WAPL: variants seen among roughly 807,000 people sequenced by gnomAD.
The protein encoded by WAPL is wings apart-like protein homolog.
In WAPL, 5 loss-of-function variants were observed where a neutral mutation model predicts 121.0. The observed-to-expected ratio is 0.04, with a 90% CI of 0.02 to 0.09. WAPL has a LOEUF of 0.09. Ranked by LOEUF, WAPL falls within the 10% of genes least tolerant of loss-of-function variation. The probability of loss-of-function intolerance (pLI) is 1.00; values close to 1 mark genes in which losing one functional copy is unlikely to be tolerated. For synonymous variants in WAPL, 480 were observed against 481.5 expected (o/e 1.00, Z 0.04); for missense variants, 999 against 1,410.8 (o/e 0.71, Z 4.68).
chr10:86,460,599 A>C, intron 10 of WAPL, 103 bp from the exon 11 acceptor site: 1 of 823,280 alleles, frequency 1.2e-6, no homozygotes. Flanking sequence ...CGCTATGAAC[A>C]TGCTGGAACC....
At chr10:86,482,070 G>A (rs1841804163) in intron 4 of WAPL, among the ~76,000 whole-genome samples, 2 of 152,146 alleles carry the variant, frequency 1.3e-5, no homozygotes, top group Admixed American at 6.5e-5. Flanking sequence ...TGGGCAGGGT[G>A]GAGTAGGGCA....
chr10:86,511,340 G>C (rs912046571), intron 2 of WAPL, among the ~76,000 whole-genome samples: 1 of 152,158 alleles, frequency 6.6e-6, no homozygotes, highest in Non-Finnish European at 1.5e-5. Flanking sequence ...ACAGAGACAA[G>C]AGGGAATCCA....
Position 86,453,695 on chromosome 10 carries a change from C to T in WAPL, c.2794G>A (p.Ala932Thr). ...AAATTAAGCAACACCCCGATGATGGCCCTCATGCAGTCCTCCACTGCTTTG... is the reference window on the plus strand; with the variant it reads ...AAATTAAGCAACACCCCGATGATGGTCCTCATGCAGTCCTCCACTGCTTTG... Reference protein sequence around the residue: ...VGKAVEDCMRAIIGVLLNLTN... With the variant: ...VGKAVEDCMRTIIGVLLNLTN... The change falls in exon 13 of 19, where the codon GCC (alanine) becomes ACC (threonine). Residue 932 changes from alanine to threonine, a missense_variant. Coordinates refer to ENST00000298767, the MANE Select transcript of WAPL (RefSeq NM_015045.5). 6.2e-7 allele frequency: 1 copy of T among 1,610,240 alleles called. No individual in the cohort carries two copies. Among genetic ancestry groups the T allele is most frequent in the Non-Finnish European group, 8.5e-7 (1 of 1,179,196 alleles).
intron 17 of WAPL, among the ~76,000 whole-genome samples, chr10:86,440,419 C>G (rs776836416): frequency 1.3e-4 from 19 of 151,784 alleles, no homozygotes; most frequent in Non-Finnish European, 2.5e-4. Context: ...TCCCGAGTAG[C>G]TGGGACTACA....
At chr10:86,465,177 G>GT (rs1248404280) in intron 9 of WAPL, among the ~76,000 whole-genome samples, 3 of 152,192 alleles carry the variant, frequency 2.0e-5, no homozygotes, top group Non-Finnish European at 4.4e-5. Context: ...ACTGGCTTTT[G>GT]TTTTTTTGTC....
At chr10:86,482,143 G>A (rs1841805897) in intron 4 of WAPL, among the ~76,000 whole-genome samples, 2 of 152,154 alleles carry the variant, frequency 1.3e-5, no homozygotes, top group African/African-American at 4.8e-5. Context: ...AGTGGAATGG[G>A]CAAAGCAATT....
chr10:86,489,595 G>C (rs957322471), intron 4 of WAPL, among the ~76,000 whole-genome samples: 5 of 152,162 alleles, frequency 3.3e-5, no homozygotes, highest in African/African-American at 7.2e-5. Context: ...AGGCAAGAGG[G>C]GGGTGCTATT....
chr10:86,515,627 C>A (rs1051018302), intron 2 of WAPL, among the ~76,000 whole-genome samples: 81 of 151,932 alleles, frequency 5.3e-4, no homozygotes, highest in African/African-American at 1.9e-3. Flanking sequence ...TACAAAAATA[C>A]AAAAATTACC....
At chr10:86,457,265 G>A (rs180936386) in intron 12 of WAPL, among the ~76,000 whole-genome samples, 1 of 139,848 alleles carries the variant, frequency 7.2e-6, no homozygotes, top group Non-Finnish European at 1.5e-5. Flanking sequence ...CAAGGCAGGA[G>A]AATCACTTAA....
Position 86,453,320 on chromosome 10 carries a change from T to C in WAPL, c.2849A>G (p.Lys950Arg). 1 of 1,614,150 alleles carries C rather than the reference T, an allele frequency of 6.2e-7. No homozygotes were observed. Among genetic ancestry groups the C allele is most frequent in the Admixed American group, 1.7e-5 (1 of 60,018 alleles). Residue 950 changes from lysine to arginine, a missense_variant, in exon 14 of 19, where the codon AAA (lysine) becomes AGA (arginine). Lys to Arg is a conservative substitution (Grantham distance 26, BLOSUM62 2). Coordinates refer to ENST00000298767, the MANE Select transcript of WAPL (RefSeq NM_015045.5). Reference protein sequence around the residue: ...LTNDNEWGSTKTGEQDGLIGT... With the variant: ...LTNDNEWGSTRTGEQDGLIGT... ...TATGAGACCGTCCTGCTCTCCTGTT[T>C]TGGTGCTGCCCCACTCTGAAATAAG... is the stretch of plus-strand genomic sequence containing the variant.
In WAPL at chr10:86,443,281, T is replaced by C. The variant is rs751523042; in HGVS notation, c.3405A>G (p.Glu1135=). The C allele has an allele frequency of 3.1e-6, 5 of 1,613,378 alleles. No individual in the cohort carries two copies. In the Admixed American group the frequency reaches 5.0e-5, roughly 16 times the overall value. ...TALLLGCLCQ[E]SPINVTTVRE... is the part of the protein sequence containing the mutation. Reference sequence around the variant, plus strand: ...CACTGAACTATGTACTTACTGGACTTTCCTGGCAGAGACACCCAAGAAGTA... The same window carrying C: ...CACTGAACTATGTACTTACTGGACTCTCCTGGCAGAGACACCCAAGAAGTA... The change falls in exon 17 of 19, where the codon GAA becomes GAG. Residue 1135 remains glutamate (E), a synonymous_variant. Transcript: ENST00000298767.
intron 4 of WAPL, among the ~76,000 whole-genome samples, chr10:86,495,583 AC>A (rs965702912): frequency 2.0e-5 from 3 of 152,244 alleles, no homozygotes; most frequent in African/African-American, 7.2e-5. Flanking sequence ...TAGGAAAAAA[AC>A]ATAGACAAAA....
In WAPL at chr10:86,472,294, A is replaced by G; in HGVS notation, c.1944T>C (p.Phe648=). ...CATCAGTGAACTCTTGATTTTCACC[A>G]AATTCTACAACATCGTTGAAGTGCT... ...HVKHFNDVVE[F]GENQEFTDDI... The change falls in exon 7 of 19, where the codon TTT becomes TTC. Residue 648 remains phenylalanine (F), a synonymous_variant. Coordinates refer to ENST00000298767, the MANE Select transcript of WAPL (RefSeq NM_015045.5). This position sits in a 1 kb window ranked among gnomAD's most constrained non-coding sequence, Gnocchi z 4.2. 6.2e-7 allele frequency: 1 copy of G among 1,607,808 alleles called. No homozygotes were observed. Among genetic ancestry groups the G allele is most frequent in the South Asian group, 1.1e-5 (1 of 89,786 alleles).
At chr10:86,452,246 T>A (rs1589497161) in intron 14 of WAPL, 115 bp from the exon 15 acceptor site, 18 of 879,926 alleles carry the variant, frequency 2.0e-5, no homozygotes, top group South Asian at 3.1e-5. Flanking sequence ...TTCTACCACC[T>A]ACAAAATGGC....
chr10:86,495,062 T>C (rs1398649908), intron 4 of WAPL, among the ~76,000 whole-genome samples: 1 of 152,222 alleles, frequency 6.6e-6, no homozygotes, highest in African/African-American at 2.4e-5. Context: ...ACTCATTCTT[T>C]AGTTATTTAA....
chr10:86,441,458 G>A (rs1849469009), intron 17 of WAPL, among the ~76,000 whole-genome samples: 1 of 152,016 alleles, frequency 6.6e-6, no homozygotes, highest in Admixed American at 6.6e-5. Context: ...GTGACCCAAT[G>A]CTGGCCAAGA....
intron 2 of WAPL, among the ~76,000 whole-genome samples, chr10:86,506,172 C>T (rs1842345000): frequency 1.3e-5 from 2 of 152,112 alleles, no homozygotes; most frequent in South Asian, 2.1e-4. Context: ...AAGATTGAGG[C>T]TGCAGTGAAA....
chr10:86,453,209 T>C lies in WAPL; in HGVS notation c.2949+11A>G. 3.1e-6 allele frequency: 5 copies of C among 1,613,636 alleles called. No individual in the cohort carries two copies. The South Asian group carries it at 3.3e-5, about 11-fold the overall frequency. On this transcript the variant is annotated intron_variant, in intron 14 of 18. Transcript: ENST00000298767. Reference sequence around the variant, plus strand: ...ATGATACTCATTTCTGAAAAAGTCATTTCAACTTACCAGCACTCGAATATC... The same window carrying C: ...ATGATACTCATTTCTGAAAAAGTCACTTCAACTTACCAGCACTCGAATATC...
At position 86,437,450 on chromosome 10, in the gene WAPL, G is replaced by C; in HGVS notation, c.*93C>G. On this transcript the variant is annotated 3_prime_UTR_variant, in exon 19 of 19. Coordinates refer to ENST00000298767, the MANE Select transcript of WAPL (RefSeq NM_015045.5). The stretch of plus-strand genomic sequence containing the variant: ...ACGAATGATACTGATGAATGTTCTT[G>C]GTATATCTTCAAGGACTTCTTTCAT... The C allele has an allele frequency of 7.7e-7, 1 of 1,302,748 alleles. No homozygotes were observed. 80.7% of individuals were successfully genotyped at this position (1,302,748 alleles called of 1,614,324 possible).
Sources: allele counts gnomAD v4.1 joint callset (sites outside exome capture counted in the v4.1 genomes callset), GRCh38; gene constraint gnomAD v4.1.1; non-coding constraint Gnocchi (gnomAD v3.1); transcripts MANE v1.5; gene names NCBI Gene and HGNC (gene_info 2026-07-23, HGNC 2026-07-21).